Variants in CA8 observed in about 807,000 individuals in gnomAD.
CA8 encodes the protein carbonic anhydrase 8 (inactive), also known as carbonic anhydrase-related protein.
In CA8, 22 loss-of-function variants were observed where a neutral mutation model predicts 41.4. The observed-to-expected ratio is 0.53, with a 90% CI of 0.38 to 0.76. The LOEUF (loss-of-function observed/expected upper bound fraction) is 0.76, where lower values mean the gene tolerates loss of function less well. CA8 is among the 30% of genes least tolerant of loss of function. CA8 has a pLI of 0.00. For missense variants in CA8, 270 were observed against 352.8 expected (o/e 0.77, Z 1.88); for synonymous variants, 121 against 130.6 (o/e 0.93, Z 0.50).
intron 8 of CA8, among the ~76,000 whole-genome samples, chr8:60,193,784 T>C (rs1358733855): frequency 6.6e-6 from 1 of 152,218 alleles, no homozygotes; most frequent in Non-Finnish European, 1.5e-5. Context: ...TGTTTTGATC[T>C]ACTGTGCTGG....
intron 3 of CA8, among the ~76,000 whole-genome samples, chr8:60,244,416 C>CA (rs558832524): frequency 6.8e-4 from 103 of 152,312 alleles, no homozygotes; most frequent in African/African-American, 2.3e-3. Context: ...GCAATGCATT[C>CA]ACTAAATGAA....
Position 60,279,835 on chromosome 8 carries a change from T to C in CA8, c.146A>G (p.Gln49Arg). 1 of 1,613,896 alleles carries C rather than the reference T, an allele frequency of 6.2e-7. No homozygotes were observed. Among genetic ancestry groups the C allele is most frequent in the Non-Finnish European group, 8.5e-7 (1 of 1,179,936 alleles). The change falls in exon 2 of 9, where the codon CAG becomes CGG. Residue 49 changes from glutamine (Q) to arginine (R), a missense_variant. Gln to Arg is a conservative substitution (Grantham distance 43, BLOSUM62 1). Coordinates refer to ENST00000317995, the MANE Select transcript of CA8 (RefSeq NM_004056.6). ...TCTTGAGTTTAGGTTAATAGGAGACTGGTATTCCCCATTAGCATCAGGAAA... is the reference window on the plus strand; with the variant it reads ...TCTTGAGTTTAGGTTAATAGGAGACCGGTATTCCCCATTAGCATCAGGAAA... ...LVFPDANGEYQSPINLNSREA... is the reference protein window; with the variant it reads ...LVFPDANGEYRSPINLNSREA...
intron 6 of CA8, among the ~76,000 whole-genome samples, chr8:60,223,886 A>C (rs1366942799): frequency 6.6e-6 from 1 of 152,228 alleles, no homozygotes; most frequent in Non-Finnish European, 1.5e-5. Context: ...AATTTTATAT[A>C]CAACAACCTT....
intron 2 of CA8, among the ~76,000 whole-genome samples, chr8:60,272,871 C>G (rs1804114779): frequency 6.6e-6 from 1 of 152,348 alleles, no homozygotes; most frequent in African/African-American, 2.4e-5. Context: ...CCAATGAACA[C>G]GTATGTTTAG....
intron 3 of CA8, among the ~76,000 whole-genome samples, chr8:60,247,848 T>C (rs546990124): frequency 3.3e-4 from 51 of 152,342 alleles, no homozygotes; most frequent in African/African-American, 1.2e-3. Flanking sequence ...CCACAATGGT[T>C]GAACTAATTT....
At chr8:60,259,567 C>G (rs1373871653) in intron 3 of CA8, among the ~76,000 whole-genome samples, 1 of 152,110 alleles carries the variant, frequency 6.6e-6, no homozygotes, top group Non-Finnish European at 1.5e-5. Flanking sequence ...GGGAATACAG[C>G]TAAAAGAACA....
At chr8:60,257,029 G>C (rs1413691695) in intron 3 of CA8, among the ~76,000 whole-genome samples, 1 of 151,766 alleles carries the variant, frequency 6.6e-6, no homozygotes, top group Non-Finnish European at 1.5e-5. Context: ...CACCCAGGCT[G>C]GAGTGCAGTG....
At chr8:60,272,784 T>A (rs1804111993) in intron 2 of CA8, among the ~76,000 whole-genome samples, 1 of 152,258 alleles carries the variant, frequency 6.6e-6, no homozygotes. Context: ...GATTTATACT[T>A]ACCTTATCCA....
Position 60,242,430 on chromosome 8 carries a change from G to A in CA8, c.418-10051C>T, listed in dbSNP as rs138560899. Among the ~76,000 whole-genome samples the A allele has an allele frequency of 4.5e-3, 681 of 152,346 alleles. 5 individuals carry two copies. The highest frequency in any genetic ancestry group is 0.015 in the African/African-American group (644 of 41,590). ...CAGAGACAGACTGTGGACACAGGGA[G>A]TATGGCTCTACCACCTATGCCACCT... is the stretch of plus-strand genomic sequence containing the variant. On this transcript the variant is annotated intron_variant, in intron 3 of 8. Coordinates refer to ENST00000317995, the MANE Select transcript of CA8 (RefSeq NM_004056.6).
chr8:60,260,642 G>A (rs1803701308), intron 3 of CA8, among the ~76,000 whole-genome samples: 1 of 152,166 alleles, frequency 6.6e-6, no homozygotes, highest in Admixed American at 6.5e-5. Context: ...ATGATCCTGT[G>A]CAATTTGACC....
At chr8:60,264,237 C>G (rs1381560069) in intron 3 of CA8, among the ~76,000 whole-genome samples, 1 of 152,212 alleles carries the variant, frequency 6.6e-6, no homozygotes, top group Non-Finnish European at 1.5e-5. Flanking sequence ...CTGCATGTCA[C>G]AAGCAAAGCC....
intron 8 of CA8, among the ~76,000 whole-genome samples, chr8:60,206,974 C>T (rs1298065594): frequency 4.6e-5 from 7 of 152,312 alleles, no homozygotes; most frequent in South Asian, 2.1e-4. Context: ...AATCCCACCC[C>T]GTCTCTGTTG....
intron 8 of CA8, among the ~76,000 whole-genome samples, chr8:60,203,604 A>G (rs1394177120): frequency 6.6e-6 from 1 of 152,154 alleles, no homozygotes; most frequent in Admixed American, 6.5e-5. Context: ...ATTTGATACT[A>G]CTGCTTCTAT....
chr8:60,270,483 T>TCGGCTCACTGCAACCTC (rs749534310), intron 2 of CA8, among the ~76,000 whole-genome samples: 29 of 152,002 alleles, frequency 1.9e-4, no homozygotes, highest in Non-Finnish European at 3.7e-4. Flanking sequence ...TGGTGTGATC[T>TCGGCTCACTGCAACCTC]CGGCTCACTG....
chr8:60,259,740 CTTTT>C (rs1203317962), intron 3 of CA8, among the ~76,000 whole-genome samples: 1 of 138,254 alleles, frequency 7.2e-6, no homozygotes. Context: ...AATTTGTTTG[CTTTT>C]TTTTTTTTTT....
chr8:60,212,030 G>C lies in CA8; in HGVS notation c.739-3111C>G, dbSNP rs142990211. ...GTTAATGCTACTCCACTTAAACATA[G>C]TATGTGTTATTTGTTTTTAACCAAT... On this transcript the variant is annotated intron_variant, in intron 7 of 8. Coordinates refer to ENST00000317995, the MANE Select transcript of CA8 (RefSeq NM_004056.6). Among the ~76,000 whole-genome samples, 667 of 152,276 alleles carry C rather than the reference G, an allele frequency of 4.4e-3. 2 individuals carry two copies. Among genetic ancestry groups the C allele is most frequent in the African/African-American group, 0.015 (620 of 41,556 alleles).
chr8:60,222,736 C>T lies in CA8; in HGVS notation c.651G>A (p.Val217=). Residue 217 remains valine (V), a synonymous_variant, in exon 7 of 9, where the codon GTG becomes GTA. Coordinates refer to ENST00000317995, the MANE Select transcript of CA8 (RefSeq NM_004056.6). ...GTGGGATGGTGAGAGAGCCTTCATA[C>T]ACCCAGTAATCCCGCAGCAGAGGGT... ...LPDPLLRDYW[V]YEGSLTIPPC... 5 of 1,613,504 alleles carry T rather than the reference C, an allele frequency of 3.1e-6. No homozygotes were observed. The highest frequency in any genetic ancestry group is 4.2e-6 in the Non-Finnish European group (5 of 1,179,410).
chr8:60,225,105 G>C (rs1169806956), intron 5 of CA8, among the ~76,000 whole-genome samples: 1 of 151,976 alleles, frequency 6.6e-6, no homozygotes, highest in Non-Finnish European at 1.5e-5. Flanking sequence ...AGGGAGATCT[G>C]ATATAGATGG....
chr8:60,190,246 T>A (rs1016109363), intron 8 of CA8, among the ~76,000 whole-genome samples: 1 of 151,504 alleles, frequency 6.6e-6, no homozygotes, highest in East Asian at 1.9e-4. Context: ...AAATAAATAA[T>A]GCTTGAACTA....
Sources: allele counts gnomAD v4.1 joint callset (sites outside exome capture counted in the v4.1 genomes callset), GRCh38; gene constraint gnomAD v4.1.1; transcripts MANE v1.5; gene names NCBI Gene and HGNC (gene_info 2026-07-23, HGNC 2026-07-21).